Variants in ANKIB1 observed in about 807,000 individuals in gnomAD.
ANKIB1 encodes the protein ankyrin repeat and IBR domain-containing protein 1.
Under a neutral mutation model 122.1 loss-of-function variants are expected in ANKIB1, and 43 were observed. The observed-to-expected ratio is 0.35, with a 90% CI of 0.28 to 0.45. ANKIB1 has a LOEUF of 0.45. ANKIB1 is among the 20% of genes least tolerant of loss of function. The pLI is 1.00. For missense variants in ANKIB1, 992 were observed against 1,329.5 expected, an observed-to-expected ratio of 0.75 and a Z score of 3.95; for synonymous variants, 390 against 442.0, an observed-to-expected ratio of 0.88 and a Z score of 1.48.
chr7:92,345,448 C>T (rs1426197852), intron 7 of ANKIB1, among the ~76,000 whole-genome samples: 1 of 152,108 alleles, frequency 6.6e-6, no homozygotes, highest in African/African-American at 2.4e-5. Context: ...ACCAAGTTGC[C>T]TTGAAAATCT....
chr7:92,390,302 A>T (rs1221663291), intron 15 of ANKIB1, among the ~76,000 whole-genome samples, 186 bp downstream of exon 15: 1 of 152,188 alleles, frequency 6.6e-6, no homozygotes, highest in Non-Finnish European at 1.5e-5. Context: ...CTTTTTGTTT[A>T]AATTTGTCAC....
chr7:92,392,391 G>A, intron 17 of ANKIB1, 99 bp downstream of exon 17: 4 of 1,053,852 alleles, frequency 3.8e-6, no homozygotes, highest in Non-Finnish European at 5.6e-6. Context: ...GAGATTATCA[G>A]CAGTGCTGTC....
chr7:92,277,199 T>C (rs1801922772), intron 1 of ANKIB1, among the ~76,000 whole-genome samples: 1 of 152,178 alleles, frequency 6.6e-6, no homozygotes, highest in Non-Finnish European at 1.5e-5. Context: ...GTTTAACCTC[T>C]TTTCTTTATA....
Position 92,343,011 on chromosome 7 carries a change from AT to A in ANKIB1, c.788-8del. On this transcript the variant is annotated splice_polypyrimidine_tract_variant and intron_variant, in intron 5 of 19. Coordinates refer to ENST00000265742, the MANE Select transcript of ANKIB1 (RefSeq NM_019004.2). ...TTCTTTTTTGAGAGCTATCCATTCCATTTTTCTTTAAGACTGGGACAGGGAG... is the reference window on the plus strand; with the variant it reads ...TTCTTTTTTGAGAGCTATCCATTCCATTTTCTTTAAGACTGGGACAGGGAG... 1 of 1,612,140 alleles carries A rather than the reference AT, an allele frequency of 6.2e-7. No individual in the cohort carries two copies. Among genetic ancestry groups the A allele is most frequent in the South Asian group, 1.1e-5 (1 of 91,022 alleles).
chr7:92,269,715 T>G (rs1446512332), intron 1 of ANKIB1, among the ~76,000 whole-genome samples: 1 of 152,160 alleles, frequency 6.6e-6, no homozygotes, highest in Non-Finnish European at 1.5e-5. Flanking sequence ...TACCTTGGTG[T>G]TGTATCTTCT....
At chr7:92,289,162 G>C (rs538831238) in intron 1 of ANKIB1, among the ~76,000 whole-genome samples, 1 of 152,332 alleles carries the variant, frequency 6.6e-6, no homozygotes, top group African/African-American at 2.4e-5. Context: ...TACCCATACA[G>C]TGGAATACTA....
At chr7:92,247,176 CTTGTA>C (rs1259309462) in intron 1 of ANKIB1, among the ~76,000 whole-genome samples, 2 of 152,168 alleles carry the variant, frequency 1.3e-5, no homozygotes. Flanking sequence ...ATCGAACAAT[CTTGTA>C]TTGGAATGAC....
chr7:92,272,467 A>G (rs1801817288), intron 1 of ANKIB1, among the ~76,000 whole-genome samples: 2 of 152,220 alleles, frequency 1.3e-5, no homozygotes, highest in South Asian at 4.1e-4. Flanking sequence ...TCAGTAGGCT[A>G]CTAGAGGATG....
chr7:92,269,760 T>C (rs867268096), intron 1 of ANKIB1, among the ~76,000 whole-genome samples: 1 of 152,160 alleles, frequency 6.6e-6, no homozygotes, highest in Admixed American at 6.5e-5. Context: ...CAACTATCTC[T>C]TCTATAACTA....
chr7:92,261,920 C>A (rs369903756), intron 1 of ANKIB1, among the ~76,000 whole-genome samples: 51 of 152,316 alleles, frequency 3.3e-4, no homozygotes, highest in African/African-American at 1.2e-3. Context: ...GTTGATCCTG[C>A]TGCCATTTCT....
At chr7:92,394,347 C>T (rs1233505892) in intron 17 of ANKIB1, among the ~76,000 whole-genome samples, 1 of 152,130 alleles carries the variant, frequency 6.6e-6, no homozygotes, top group East Asian at 1.9e-4. Context: ...AAACCCTTTT[C>T]ATATACATTC....
In ANKIB1 at chr7:92,319,537, A is replaced by G. The variant is rs200616871; in HGVS notation, c.669+25A>G. On this transcript the variant is annotated intron_variant, in intron 4 of 19. Coordinates refer to ENST00000265742, the MANE Select transcript of ANKIB1 (RefSeq NM_019004.2). ...GGTCAGTTTATTTTTTCTTCTCAGT[A>G]AAAAAATTACATGTAATTTTAGATT... 3,339 of 1,578,836 alleles carry G rather than the reference A, an allele frequency of 2.1e-3. 7 individuals carry two copies. The highest frequency in any genetic ancestry group is 2.7e-3 in the Non-Finnish European group (3,178 of 1,167,644).
intron 5 of ANKIB1, among the ~76,000 whole-genome samples, chr7:92,334,002 G>A (rs562469157): frequency 6.6e-6 from 1 of 152,152 alleles, no homozygotes; most frequent in South Asian, 2.1e-4. Context: ...CACATAACAT[G>A]CTAAACATTT....
chr7:92,286,654 T>C (rs1407045037), intron 1 of ANKIB1, among the ~76,000 whole-genome samples: 4 of 152,062 alleles, frequency 2.6e-5, no homozygotes, highest in African/African-American at 9.7e-5. Context: ...TAATTTTGTA[T>C]TTTTAGTAGA....
chr7:92,366,361 T>A (rs1245642616), intron 10 of ANKIB1, among the ~76,000 whole-genome samples: 4 of 152,158 alleles, frequency 2.6e-5, no homozygotes, highest in African/African-American at 9.7e-5. Flanking sequence ...CTCAAAGTGC[T>A]ACTATCCTGT....
intron 12 of ANKIB1, 144 bp downstream of exon 12, chr7:92,386,787 C>T: frequency 1.2e-6 from 1 of 836,002 alleles, no homozygotes; most frequent in Non-Finnish European, 1.6e-6. Flanking sequence ...AACAAAACAG[C>T]TCTGTAAACT....
chr7:92,367,165 T>C (rs1804105677), intron 10 of ANKIB1, among the ~76,000 whole-genome samples: 1 of 152,184 alleles, frequency 6.6e-6, no homozygotes, highest in South Asian at 2.1e-4. Context: ...TTTGAAAACA[T>C]GATAGGAGAC....
intron 1 of ANKIB1, among the ~76,000 whole-genome samples, chr7:92,260,268 G>C (rs1464674969): frequency 2.0e-5 from 3 of 152,054 alleles, no homozygotes; most frequent in African/African-American, 7.3e-5. Context: ...CCTCCTTTTT[G>C]TTCCTCGAAC....
chr7:92,356,963 C>G (rs944264429), intron 9 of ANKIB1, among the ~76,000 whole-genome samples: 5 of 152,170 alleles, frequency 3.3e-5, no homozygotes, highest in Non-Finnish European at 7.4e-5. Context: ...CTACTTAATT[C>G]ACTCAGAATT....
Sources: gnomAD v4.1 joint callset for allele counts (sites outside exome capture counted in the v4.1 genomes callset) on GRCh38, gnomAD v4.1.1 for gene constraint, MANE v1.5 for transcripts, NCBI Gene and HGNC (gene_info 2026-07-23, HGNC 2026-07-21) for gene names.